UPP2: variants seen among roughly 807,000 people sequenced by gnomAD.
UPP2 encodes the protein uridine phosphorylase 2.
A neutral mutation model predicts 26.7 loss-of-function variants in UPP2; 23 were observed. The ratio of observed to expected loss-of-function variants is 0.86; its 90% CI spans 0.62 to 1.22. The LOEUF (loss-of-function observed/expected upper bound fraction) is 1.22, where lower values mean the gene tolerates loss of function less well. UPP2 is among the 50% of genes most tolerant of loss of function. UPP2 has a pLI of 0.00. For synonymous variants in UPP2, 127 were observed against 141.3 expected (o/e 0.90, Z 0.72); for missense variants, 387 against 396.7 (o/e 0.98, Z 0.21).
At chr2:158,084,975 A>G (rs182583397) in intron 3 of UPP2, among the ~76,000 whole-genome samples, 75 of 152,096 alleles carry the variant, frequency 4.9e-4, no homozygotes, top group African/African-American at 1.8e-3. Flanking sequence ...TTGGCTATGC[A>G]GACTCTTTTT....
chr2:158,049,262 C>T (rs1682106172), intron 3 of UPP2, among the ~76,000 whole-genome samples: 1 of 152,146 alleles, frequency 6.6e-6, no homozygotes, highest in African/African-American at 2.4e-5. Context: ...ATGCATCTAT[C>T]ATGGTGGGCT....
At chr2:158,114,324 T>A (rs550246258) in intron 2 of UPP2, among the ~76,000 whole-genome samples, 91 of 152,144 alleles carry the variant, frequency 6.0e-4, no homozygotes, top group Non-Finnish European at 1.1e-3. Flanking sequence ...TCTGCTCCTC[T>A]CCCTGGCGTC....
intron 6 of UPP2, among the ~76,000 whole-genome samples, chr2:158,130,106 A>G (rs1683781446): frequency 2.0e-5 from 3 of 152,098 alleles, no homozygotes; most frequent in Non-Finnish European, 4.4e-5. Flanking sequence ...TCTCAGTATT[A>G]AAGAGGCCAC....
chr2:158,044,067 G>T (rs923560281), intron 3 of UPP2, among the ~76,000 whole-genome samples: 1 of 152,170 alleles, frequency 6.6e-6, no homozygotes, highest in Non-Finnish European at 1.5e-5. Flanking sequence ...CCAAAGATGA[G>T]ATATAATTAA....
chr2:158,093,978 A>G (rs923615148), intron 3 of UPP2, among the ~76,000 whole-genome samples: 1 of 149,998 alleles, frequency 6.7e-6, no homozygotes, highest in Non-Finnish European at 1.5e-5. Flanking sequence ...ATTTATATAT[A>G]TATGCCATAT....
rs149711371 is a variant in UPP2, at chr2:158,089,724, T to C, written c.148-12316T>C. On this transcript the variant is annotated intron_variant, in intron 3 of 9. Coordinates refer to the UPP2 transcript ENST00000605860. ...TATTTCACTTGACTCTCTAAATTCA[T>C]CTCAGCTCCAGGTAAGGTCAAATCC... is the stretch of plus-strand genomic sequence containing the variant. Among the ~76,000 whole-genome samples the C allele has an allele frequency of 6.2e-3, 943 of 152,284 alleles. 5 individuals carry two copies. Among genetic ancestry groups the C allele is most frequent in the Middle Eastern group, 0.027 (8 of 294 alleles).
chr2:158,000,375 T>G (rs908864544), intron 2 of UPP2, among the ~76,000 whole-genome samples: 1 of 152,118 alleles, frequency 6.6e-6, no homozygotes, highest in East Asian at 1.9e-4. Context: ...GAGATCCAAC[T>G]TATATTAAGT....
At chr2:158,122,516 C>A (rs1683591653) in intron 5 of UPP2, among the ~76,000 whole-genome samples, 1 of 152,042 alleles carries the variant, frequency 6.6e-6, no homozygotes, top group African/African-American at 2.4e-5. Flanking sequence ...GCCACTGACT[C>A]ATAGTCCATC....
chr2:157,998,716 T>C (rs1683361198), intron 2 of UPP2, among the ~76,000 whole-genome samples: 1 of 152,112 alleles, frequency 6.6e-6, no homozygotes, highest in South Asian at 2.1e-4. Flanking sequence ...GGCAGGAGAA[T>C]CACTTGAACC....
intron 6 of UPP2, among the ~76,000 whole-genome samples, chr2:158,124,797 T>C (rs1683657197): frequency 6.6e-6 from 1 of 152,184 alleles, no homozygotes; most frequent in Admixed American, 6.5e-5. Flanking sequence ...TGGTCTAAAC[T>C]ACTGGAAGCA....
At chr2:158,013,799 T>C (rs1412887039) in intron 2 of UPP2, among the ~76,000 whole-genome samples, 2 of 152,184 alleles carry the variant, frequency 1.3e-5, no homozygotes, top group East Asian at 1.9e-4. Context: ...CACTAGCACA[T>C]GCAGATGAAG....
intron 3 of UPP2, among the ~76,000 whole-genome samples, chr2:158,062,414 C>T (rs977289218): frequency 1.3e-5 from 2 of 152,184 alleles, no homozygotes; most frequent in East Asian, 3.8e-4. Context: ...CTGGTCTTCT[C>T]CCTGGCCATT....
intron 3 of UPP2, among the ~76,000 whole-genome samples, chr2:158,088,764 C>G (rs1379162203): frequency 6.6e-6 from 1 of 152,156 alleles, no homozygotes; most frequent in Non-Finnish European, 1.5e-5. Flanking sequence ...GGGATCTAGC[C>G]ACCCATTGCA....
At chr2:158,080,006 C>A (rs1411695435) in intron 3 of UPP2, among the ~76,000 whole-genome samples, 2 of 152,092 alleles carry the variant, frequency 1.3e-5, no homozygotes, top group Non-Finnish European at 2.9e-5. Context: ...ATCCACACAG[C>A]CACATAAATA....
chr2:158,130,306 C>T (rs538018160), intron 6 of UPP2, among the ~76,000 whole-genome samples: 1 of 151,946 alleles, frequency 6.6e-6, no homozygotes. Flanking sequence ...CAAAAATTAG[C>T]CGGTCATGGT....
intron 3 of UPP2, among the ~76,000 whole-genome samples, chr2:158,056,720 G>A (rs1180354205): frequency 6.6e-6 from 1 of 152,170 alleles, no homozygotes; most frequent in East Asian, 1.9e-4. Context: ...TAGAAGGACG[G>A]CAGTCGTACT....
chr2:158,098,807 A>G (rs1292266382), upstream of UPP2, among the ~76,000 whole-genome samples: 1 of 152,250 alleles, frequency 6.6e-6, no homozygotes, highest in East Asian at 1.9e-4. Flanking sequence ...CCTCTGCTCT[A>G]TCTTCCAGGA....
chr2:158,130,450 C>CAAA (rs558287372), intron 6 of UPP2, among the ~76,000 whole-genome samples: 6 of 131,860 alleles, frequency 4.6e-5, no homozygotes, highest in African/African-American at 1.5e-4. Flanking sequence ...GAATCCGTCT[C>CAAA]AAAAAAAAAA....
intron 2 of UPP2, among the ~76,000 whole-genome samples, chr2:158,009,312 G>C (rs978049106): frequency 6.6e-6 from 1 of 152,114 alleles, no homozygotes; most frequent in Non-Finnish European, 1.5e-5. Context: ...ATAAGGTATT[G>C]GATACACACA....
Sources: allele counts gnomAD v4.1 joint callset (sites outside exome capture counted in the v4.1 genomes callset), GRCh38; gene constraint gnomAD v4.1.1; transcripts MANE v1.5; gene names NCBI Gene and HGNC (gene_info 2026-07-23, HGNC 2026-07-21).